The following ABCA4 variants were observed in gnomAD, a reference collection of about 807,000 sequenced individuals.
ABCA4 encodes the protein ATP binding cassette subfamily A member 4, also known as retinal-specific phospholipid-transporting ATPase ABCA4.
In ABCA4, 196 loss-of-function variants were observed where a neutral mutation model predicts 263.7. The ratio of observed to expected loss-of-function variants is 0.74; its 90% CI spans 0.66 to 0.84. The LOEUF (loss-of-function observed/expected upper bound fraction) is 0.84, where lower values mean the gene tolerates loss of function less well. Ranked by LOEUF, ABCA4 falls within the 40% of genes least tolerant of loss-of-function variation. ABCA4 has a pLI of 0.00. For synonymous variants in ABCA4, 1,133 were observed against 1,094.2 expected, an observed-to-expected ratio of 1.04 and a Z score of -0.70; for missense variants, 2,792 against 2,855.1, an observed-to-expected ratio of 0.98 and a Z score of 0.50.
intron 6 of ABCA4, among the ~76,000 whole-genome samples, chr1:94,097,820 G>T (rs1355149656): frequency 6.6e-6 from 1 of 152,150 alleles, no homozygotes; most frequent in African/African-American, 2.4e-5. Flanking sequence ...CGCAATCTCG[G>T]CTCACTGCAA....
In ABCA4 at chr1:94,067,321, A is replaced by G. The variant is rs77831608; in HGVS notation, c.1555-4004T>C. The stretch of plus-strand genomic sequence containing the variant: ...CTCCCTTTTCATGTCTTAAGGGGAA[A>G]TCTATACGGGAATAAGCAGCTGATG... On this transcript the variant is annotated intron_variant, in intron 11 of 49. Coordinates refer to ENST00000370225, the MANE Select transcript of ABCA4 (RefSeq NM_000350.3). Among the ~76,000 whole-genome samples the G allele has an allele frequency of 6.8e-4, 103 of 152,276 alleles. No homozygotes were observed. In the East Asian group the frequency reaches 0.018, roughly 27 times the overall value.
chr1:94,031,069 T>C lies in ABCA4; in HGVS notation c.4180A>G (p.Ile1394Val). ...VFLALMLSIVIPPFGEYPALT... is the reference protein window; with the variant it reads ...VFLALMLSIVVPPFGEYPALT... ...GCGGGGTATTCGCCAAAAGGAGGGA[T>C]AACAATAGAAAGCATCAGAGCCAAA... Residue 1394 changes from isoleucine (I) to valine (V), a missense_variant, in exon 28 of 50, where the codon ATC becomes GTC. Ile to Val is a conservative substitution (Grantham distance 29, BLOSUM62 3). Coordinates refer to ENST00000370225, the MANE Select transcript of ABCA4 (RefSeq NM_000350.3). 6.2e-7 allele frequency: 1 copy of C among 1,613,942 alleles called. No individual in the cohort carries two copies. The highest frequency in any genetic ancestry group is 8.5e-7 in the Non-Finnish European group (1 of 1,179,986).
chr1:94,112,821 G>A, intron 2 of ABCA4, 152 bp downstream of exon 2: 1 of 704,148 alleles, frequency 1.4e-6, no homozygotes, highest in Non-Finnish European at 2.6e-6. Context: ...ATTATAATTT[G>A]TGTAACATTG....
At chr1:94,079,905 T>A (rs756245151) in intron 8 of ABCA4, among the ~76,000 whole-genome samples, 1 of 152,078 alleles carries the variant, frequency 6.6e-6, no homozygotes, top group Admixed American at 6.6e-5. Context: ...TTTTGGCATG[T>A]CCCTTGCTGC....
chr1:94,040,438 C>T (rs1660456778), intron 23 of ABCA4, among the ~76,000 whole-genome samples: 1 of 152,070 alleles, frequency 6.6e-6, no homozygotes, highest in African/African-American at 2.4e-5. Context: ...TGCCTCCCTC[C>T]CCGTGGATGG....
chr1:94,018,515 T>C (rs1207260776), intron 36 of ABCA4: 3 of 454,422 alleles, frequency 6.6e-6, no homozygotes, highest in Non-Finnish European at 1.3e-5. Context: ...TGTTAAGTGA[T>C]AGCTGCTTAC....
intron 2 of ABCA4, among the ~76,000 whole-genome samples, chr1:94,111,986 T>C (rs1422192104): frequency 1.3e-5 from 2 of 152,162 alleles, no homozygotes; most frequent in East Asian, 1.9e-4. Context: ...AAGCATGCAG[T>C]AGGGCTGCAG....
At chr1:94,118,788 G>A (rs1183464729) in intron 1 of ABCA4, among the ~76,000 whole-genome samples, 8 of 152,202 alleles carry the variant, frequency 5.3e-5, no homozygotes, top group Admixed American at 5.2e-4. Flanking sequence ...CTGAGCAGGA[G>A]TCGCCCACCC....
intron 6 of ABCA4, among the ~76,000 whole-genome samples, chr1:94,097,830 A>G (rs1662168149): frequency 6.6e-6 from 1 of 152,164 alleles, no homozygotes; most frequent in African/African-American, 2.4e-5. Flanking sequence ...GCTCACTGCA[A>G]GCTCCGCCTC....
rs574846429 is a variant in ABCA4, at chr1:94,032,973, T to C, written c.3863-930A>G. 2.0e-5 allele frequency among the ~76,000 whole-genome samples: 3 copies of C among 152,320 alleles called. No homozygotes were observed. In the South Asian group the frequency reaches 6.2e-4, roughly 32 times the overall value. On this transcript the variant is annotated intron_variant, in intron 26 of 49. Coordinates refer to ENST00000370225, the MANE Select transcript of ABCA4 (RefSeq NM_000350.3). ...AACAAATGAAAAATCAGAGTCGATG[T>C]GGTTCTTTCTGAATTCTTAGAGGAT... is the stretch of plus-strand genomic sequence containing the variant.
chr1:94,055,266 C>T lies in ABCA4; in HGVS notation c.2432G>A (p.Arg811His), dbSNP rs368016280. ...CAGCCCCAGGCCTTGCTCTTCAAAGCGAACCAGGTACTCAGTGCCAAATCC... is the reference window on the plus strand; with the variant it reads ...CAGCCCCAGGCCTTGCTCTTCAAAGTGAACCAGGTACTCAGTGCCAAATCC... ...AFGFGTEYLV[R>H]FEEQGLGLQW... The change falls in exon 16 of 50, where the codon CGC becomes CAC. Residue 811 changes from arginine (R) to histidine (H), a missense_variant. Physicochemically the swap from Arg to His is conservative, Grantham distance 29 (BLOSUM62 0). Coordinates refer to ENST00000370225, the MANE Select transcript of ABCA4 (RefSeq NM_000350.3). The T allele has an allele frequency of 1.4e-5, 23 of 1,614,070 alleles. No individual in the cohort carries two copies. In the Middle Eastern group the frequency reaches 5.0e-4, roughly 35 times the overall value.
chr1:94,011,273 T>A lies in ABCA4; in HGVS notation c.5573A>T (p.Tyr1858Phe). ...CGGCTACCACCCACCAAACCGGGCA[T>A]AGACATCTGTCACAGCCTGGCTCAG... ...LALSQAVTDV[Y>F]ARFGEEHSAN... Residue 1858 changes from tyrosine (Y) to phenylalanine (F), a missense_variant, in exon 39 of 50, where the codon TAT (tyrosine) becomes TTT (phenylalanine). Transcript: ENST00000370225. 6.2e-7 allele frequency: 1 copy of A among 1,613,938 alleles called. No homozygotes were observed. The highest frequency in any genetic ancestry group is 8.5e-7 in the Non-Finnish European group (1 of 1,179,956).
chr1:94,001,149 C>T (rs1355043510), intron 45 of ABCA4, 44 bp from the exon 46 acceptor site: 1 of 1,518,478 alleles, frequency 6.6e-7, no homozygotes. Flanking sequence ...TGGGAGCTGG[C>T]CCTTCTGATT....
At chr1:94,002,074 G>C in intron 44 of ABCA4, 82 bp from the exon 45 acceptor site, 1 of 1,599,080 alleles carries the variant, frequency 6.3e-7, no homozygotes, top group Non-Finnish European at 8.5e-7. Context: ...TGGGCTCCCA[G>C]ATCTCACGCC....
intron 39 of ABCA4, 61 bp downstream of exon 39, chr1:94,011,201 C>CG: frequency 6.2e-7 from 1 of 1,612,676 alleles, no homozygotes; most frequent in Non-Finnish European, 8.5e-7. Flanking sequence ...GGAGCCCCCC[C>CG]GGTAACCCTC....
At chr1:94,094,510 T>A (rs1662069025) in intron 6 of ABCA4, among the ~76,000 whole-genome samples, 1 of 152,096 alleles carries the variant, frequency 6.6e-6, no homozygotes, top group African/African-American at 2.4e-5. Flanking sequence ...ACTGGAAGCA[T>A]TTTCAAAGGA....
At position 94,027,044 on chromosome 1, in the gene ABCA4, CAGAG is replaced by C. The variant is rs572782781; in HGVS notation, c.4540-2000_4540-1997del. ...ATAAAGAGTAAGAGATAGATAGAGACAGAGAGATTGAGAGAGAAAGAGAGAGAGA... is the reference window on the plus strand; with the variant it reads ...ATAAAGAGTAAGAGATAGATAGAGACAGATTGAGAGAGAAAGAGAGAGAGA... On this transcript the variant is annotated intron_variant, in intron 30 of 49. Coordinates refer to ENST00000370225, the MANE Select transcript of ABCA4 (RefSeq NM_000350.3). Among the ~76,000 whole-genome samples, 27 of 151,640 alleles carry C rather than the reference CAGAG, an allele frequency of 1.8e-4. No homozygotes were observed. The East Asian group carries it at 2.9e-3, about 16-fold the overall frequency.
At chr1:93,993,850 T>G (rs1056487128) in intron 49 of ABCA4, among the ~76,000 whole-genome samples, 1 of 152,078 alleles carries the variant, frequency 6.6e-6, no homozygotes, top group Non-Finnish European at 1.5e-5. Flanking sequence ...AAAGTGTGGG[T>G]TGAATTCCTG....
rs757258025 is a variant in ABCA4 at position 94,019,019 on chromosome 1, G to GTTTTTTTTTT, written c.5196+553_5196+562dup. Among the ~76,000 whole-genome samples, 5 of 76,436 alleles carry GTTTTTTTTTT rather than the reference G, an allele frequency of 6.5e-5. 1 individual carries two copies. Among genetic ancestry groups the GTTTTTTTTTT allele is most frequent in the African/African-American group, 3.1e-4 (5 of 16,242 alleles). 50.1% of individuals were successfully genotyped at this position (76,436 alleles called of 152,430 possible). The stretch of plus-strand genomic sequence containing the variant: ...ATTTGAGTTTCAGATAAACAACCAG[G>GTTTTTTTTTT]TTTTTTTTTTTTTTTTTTTTTTTTT... On this transcript the variant is annotated intron_variant, in intron 36 of 49. Coordinates refer to ENST00000370225, the MANE Select transcript of ABCA4 (RefSeq NM_000350.3).
Sources: allele counts gnomAD v4.1 joint callset (sites outside exome capture counted in the v4.1 genomes callset), GRCh38; gene constraint gnomAD v4.1.1; transcripts MANE v1.5; gene names NCBI Gene and HGNC (gene_info 2026-07-23, HGNC 2026-07-21).